ATRX: variants seen among roughly 807,000 people sequenced by gnomAD.
ATRX encodes chromatin remodeler ATRX.
In ATRX, 12 loss-of-function variants were observed where a neutral mutation model predicts 172.6. The ratio of observed to expected loss-of-function variants is 0.07; its 90% CI spans 0.04 to 0.11. The LOEUF is 0.11. Among genes scored for constraint, ATRX ranks in the 10% least tolerant of loss-of-function variants. The pLI is 1.00. For synonymous variants in ATRX, 674 were observed against 594.7 expected (o/e 1.13, Z -1.94); for missense variants, 1,368 against 1,767.4 (o/e 0.77, Z 4.05).
intron 19 of ATRX, among the ~76,000 whole-genome samples, chrX:77,622,675 G>C (rs782066949): frequency 5.4e-5 from 6 of 111,635 alleles, no homozygotes; most frequent in Non-Finnish European, 3.8e-5. Context: ...CTTCACAGGT[G>C]GGGGATGAAC....
intron 1 of ATRX, among the ~76,000 whole-genome samples, chrX:77,766,623 A>G (rs1346704493): frequency 6.3e-4 from 51 of 81,340 alleles, no homozygotes; most frequent in African/African-American, 1.7e-3. Context: ...TCAGACGATG[A>G]GCGGCCGGGC....
Position 77,764,803 on chromosome X carries a change from C to T in ATRX, c.20+21179G>A, listed in dbSNP as rs372516556. On this transcript the variant is annotated intron_variant, in intron 1 of 34. Coordinates refer to ENST00000373344, the MANE Select transcript of ATRX (RefSeq NM_000489.6). ...TTAAAACAGTCAAAACTACAGACTA[C>T]ACAAATTCAATGTAGAAACTGCATT... Among the ~76,000 whole-genome samples the T allele has an allele frequency of 2.3e-4, 26 of 112,181 alleles. No individual in the cohort carries two copies. In the East Asian group the frequency reaches 6.4e-3, roughly 28 times the overall value.
At chrX:77,776,044 T>G (rs1313629197) in intron 1 of ATRX, among the ~76,000 whole-genome samples, 1 of 111,858 alleles carries the variant, frequency 8.9e-6, no homozygotes, top group Non-Finnish European at 1.9e-5. Flanking sequence ...AAACAATAAT[T>G]CAATAAAATA....
chrX:77,698,244 T>C (rs2072296118), intron 3 of ATRX, among the ~76,000 whole-genome samples: 1 of 111,577 alleles, frequency 9.0e-6, no homozygotes, highest in South Asian at 3.8e-4. Flanking sequence ...TAGCAGACTC[T>C]AGATACCAAG....
At chrX:77,620,312 G>C (rs2148267568) in intron 20 of ATRX, 83 bp downstream of exon 20, 1 of 1,052,341 alleles carries the variant, frequency 9.5e-7, no homozygotes, top group Non-Finnish European at 1.3e-6. Flanking sequence ...AGAATAAGTA[G>C]AAGAAAGGTA....
chrX:77,542,777 G>A (rs1481841753), intron 30 of ATRX, among the ~76,000 whole-genome samples: 1 of 111,896 alleles, frequency 8.9e-6, no homozygotes. Context: ...GCAGAAAACT[G>A]AAACTGGACC....
chrX:77,784,299 C>G (rs1241332055), intron 1 of ATRX, among the ~76,000 whole-genome samples: 2 of 112,076 alleles, frequency 1.8e-5, no homozygotes, highest in Non-Finnish European at 3.8e-5. Flanking sequence ...AATAAGCACT[C>G]AACTTAGTTA....
At chrX:77,536,061 A>G (rs868931253) in intron 30 of ATRX, among the ~76,000 whole-genome samples, 1 of 108,835 alleles carries the variant, frequency 9.2e-6, no homozygotes, top group Non-Finnish European at 1.9e-5. Context: ...TTTTTAAGAG[A>G]CAGGGGCTCG....
In ATRX at chrX:77,684,023, T is replaced by A. The variant is rs1319726059; in HGVS notation, c.1233A>T (p.Glu411Asp). The A allele has an allele frequency of 2.5e-6, 3 of 1,204,129 alleles. No homozygotes were observed. In the African/African-American group the frequency reaches 5.2e-5, roughly 21 times the overall value. Residue 411 changes from glutamate to aspartate, a missense_variant, in exon 9 of 35, where the codon GAA becomes GAT. Around this residue, in one of 17 missense-constraint regions of ATRX, gnomAD observed 843 missense variants for 643.1 expected, o/e 1.31. Coordinates refer to ENST00000373344, the MANE Select transcript of ATRX (RefSeq NM_000489.6). ...DIKKAHLALEEDLNSEFRAMD... is the reference protein window; with the variant it reads ...DIKKAHLALEDDLNSEFRAMD... ...TCGCTCGAAACTCGGAATTTAAGTC[T>A]TCTTCCAATGCAAGATGAGCCTTCT...
chrX:77,650,672 C>A (rs1232500981), intron 15 of ATRX, among the ~76,000 whole-genome samples: 1 of 110,557 alleles, frequency 9.0e-6, no homozygotes, highest in Non-Finnish European at 1.9e-5. Flanking sequence ...GCAAGCTCTG[C>A]CTCCCAGGTT....
At chrX:77,657,235 C>T (rs1557120302) in intron 12 of ATRX, among the ~76,000 whole-genome samples, 3 of 111,419 alleles carry the variant, frequency 2.7e-5, no homozygotes, top group South Asian at 3.7e-4. Context: ...GGTATGCAGA[C>T]GGTACTGACA....
chrX:77,548,715 G>A (rs1048114348), intron 30 of ATRX, among the ~76,000 whole-genome samples: 2 of 112,409 alleles, frequency 1.8e-5, no homozygotes, highest in African/African-American at 3.2e-5. Flanking sequence ...AATGACTAAG[G>A]TGAAACCTTA....
intron 13 of ATRX, among the ~76,000 whole-genome samples, chrX:77,655,955 A>G (rs2069525919): frequency 9.0e-6 from 1 of 111,273 alleles, no homozygotes; most frequent in South Asian, 3.8e-4. Flanking sequence ...TAGTAGTATT[A>G]TCTAACATAC....
chrX:77,513,161 C>CA (rs1364392500), intron 34 of ATRX, among the ~76,000 whole-genome samples: 1 of 107,049 alleles, frequency 9.3e-6, no homozygotes, highest in East Asian at 3.0e-4. Context: ...ACTAAAAATA[C>CA]AAAAAATTAG....
chrX:77,663,952 T>A (rs2070077496), intron 11 of ATRX, among the ~76,000 whole-genome samples: 1 of 110,063 alleles, frequency 9.1e-6, no homozygotes, highest in Non-Finnish European at 1.9e-5. Context: ...AAATACAAAA[T>A]TAGCAGGGTG....
At chrX:77,651,982 C>T (rs1240373339) in intron 15 of ATRX, 132 bp downstream of exon 15, 2 of 604,318 alleles carry the variant, frequency 3.3e-6, no homozygotes, top group South Asian at 2.6e-5. Flanking sequence ...TGTTGACTCA[C>T]GCCTGTAATC....
intron 19 of ATRX, among the ~76,000 whole-genome samples, chrX:77,621,271 A>G (rs998968679): frequency 1.8e-5 from 2 of 111,983 alleles, no homozygotes; most frequent in African/African-American, 6.5e-5. Flanking sequence ...GAAATACTAA[A>G]GGCTTATTTG....
chrX:77,589,955 T>C lies in ATRX; in HGVS notation c.6111-15A>G. The C allele has an allele frequency of 1.7e-6, 2 of 1,145,966 alleles. No homozygotes were observed. Among genetic ancestry groups the C allele is most frequent in the Non-Finnish European group, 1.2e-6 (1 of 836,728 alleles). 94.4% of individuals were successfully genotyped at this position (1,145,966 alleles called of 1,213,427 possible). A position where few individuals can be genotyped will look rare whatever the true frequency, so the allele number is the denominator to read the frequency against. On this transcript the variant is annotated splice_polypyrimidine_tract_variant and intron_variant, in intron 26 of 34. Transcript: ENST00000373344. ...TGAAAACAAGGCTAAAAAAACAGAT[T>C]AGTGTTTATGGATTAGAAGATTCCT...
chrX:77,679,350 G>A (rs374433646), intron 9 of ATRX, among the ~76,000 whole-genome samples: 1 of 110,966 alleles, frequency 9.0e-6, no homozygotes, highest in Non-Finnish European at 1.9e-5. Context: ...CTGAAGTGAC[G>A]AATTCTCAAA....
Sources: allele counts gnomAD v4.1 joint callset (sites outside exome capture counted in the v4.1 genomes callset), GRCh38; gene constraint gnomAD v4.1.1; regional missense constraint gnomAD v4.1.1; transcripts MANE v1.5; gene names NCBI Gene and HGNC (gene_info 2026-07-23, HGNC 2026-07-21).